Variants in STX8 observed in about 807,000 individuals in gnomAD.
STX8 encodes the protein syntaxin-8.
STX8 carries 23 observed loss-of-function variants against 37.5 expected under a neutral mutation model. The ratio of observed to expected loss-of-function variants is 0.61; its 90% CI spans 0.44 to 0.87. The LOEUF (loss-of-function observed/expected upper bound fraction) is 0.87. Ranked by LOEUF, STX8 falls within the 40% of genes least tolerant of loss-of-function variation. The probability of loss-of-function intolerance (pLI) is 0.00; values close to 1 mark genes in which losing one functional copy is unlikely to be tolerated. For missense variants in STX8, 313 were observed against 284.7 expected (o/e 1.10, Z -0.71); for synonymous variants, 115 against 99.1 (o/e 1.16, Z -0.95).
chr17:9,269,960 A>G (rs1907389942), intron 7 of STX8, among the ~76,000 whole-genome samples: 1 of 152,218 alleles, frequency 6.6e-6, no homozygotes, highest in Non-Finnish European at 1.5e-5. Flanking sequence ...GCTTCTGTAT[A>G]CTAAACACAT....
intron 7 of STX8, among the ~76,000 whole-genome samples, chr17:9,333,332 T>G (rs1022013000): frequency 6.6e-6 from 1 of 152,212 alleles, no homozygotes; most frequent in African/African-American, 2.4e-5. Flanking sequence ...CTCCCACTTA[T>G]AAGTGAGAAC....
chr17:9,536,485 A>G (rs1349286627), intron 4 of STX8, among the ~76,000 whole-genome samples: 1 of 152,202 alleles, frequency 6.6e-6, no homozygotes, highest in Admixed American at 6.5e-5. Flanking sequence ...AGAGCAGCCA[A>G]CTGCTATACT....
At chr17:9,449,172 T>C (rs778486641) in intron 6 of STX8, among the ~76,000 whole-genome samples, 4 of 152,110 alleles carry the variant, frequency 2.6e-5, no homozygotes, top group Non-Finnish European at 4.4e-5. Flanking sequence ...ATAAAAACAA[T>C]TGTTCACACA....
At chr17:9,492,150 G>C (rs562832616) in intron 5 of STX8, among the ~76,000 whole-genome samples, 1 of 152,022 alleles carries the variant, frequency 6.6e-6, no homozygotes, top group Non-Finnish European at 1.5e-5. Context: ...AACAAAGTAA[G>C]ATTTGGAAAC....
At chr17:9,404,070 T>C (rs767912045) in intron 6 of STX8, among the ~76,000 whole-genome samples, 1 of 152,236 alleles carries the variant, frequency 6.6e-6, no homozygotes, top group Non-Finnish European at 1.5e-5. Context: ...ATACATTATA[T>C]TCTTACAATA....
intron 7 of STX8, among the ~76,000 whole-genome samples, chr17:9,279,750 G>A (rs1907811710): frequency 6.6e-6 from 1 of 152,150 alleles, no homozygotes; most frequent in Non-Finnish European, 1.5e-5. Flanking sequence ...TGACAAGCCT[G>A]ACCCCATCTG....
At chr17:9,376,944 T>C (rs1911612205) in intron 7 of STX8, among the ~76,000 whole-genome samples, 1 of 152,132 alleles carries the variant, frequency 6.6e-6, no homozygotes, top group East Asian at 1.9e-4. Context: ...CCAGAAGTTA[T>C]GGGAGAAGAT....
chr17:9,527,378 A>G (rs758655356), intron 4 of STX8, among the ~76,000 whole-genome samples: 3 of 151,914 alleles, frequency 2.0e-5, no homozygotes, highest in Non-Finnish European at 2.9e-5. Context: ...CAGGAGTTGC[A>G]GGCTGCAGTG....
At chr17:9,432,351 C>T (rs1008957387) in intron 6 of STX8, among the ~76,000 whole-genome samples, 1 of 152,180 alleles carries the variant, frequency 6.6e-6, no homozygotes, top group African/African-American at 2.4e-5. Context: ...AATCTTAGCA[C>T]ATTATTGAAA....
intron 6 of STX8, among the ~76,000 whole-genome samples, chr17:9,477,516 C>T (rs867635038): frequency 6.6e-6 from 1 of 152,078 alleles, no homozygotes; most frequent in African/African-American, 2.4e-5. Context: ...CAATCATGAA[C>T]ATTAAAACCT....
At chr17:9,516,568 C>T (rs192920791) in intron 4 of STX8, among the ~76,000 whole-genome samples, 1 of 151,922 alleles carries the variant, frequency 6.6e-6, no homozygotes, top group East Asian at 1.9e-4. Flanking sequence ...CAATTTCACT[C>T]ACTGACCTTC....
intron 7 of STX8, among the ~76,000 whole-genome samples, chr17:9,269,760 C>A (rs375235815): frequency 6.6e-6 from 1 of 152,152 alleles, no homozygotes; most frequent in Non-Finnish European, 1.5e-5. Flanking sequence ...CCTCCCACTC[C>A]GAGCATGCCA....
chr17:9,559,760 A>ATATATATTTTTTTTTTTTTTT, intron 2 of STX8, among the ~76,000 whole-genome samples: 3 of 24,496 alleles, frequency 1.2e-4, no homozygotes, highest in African/African-American at 5.7e-4. Context: ...ATATATATAT[A>ATATATATTTTTTTTTTTTTTT]TTTTTTTTTT....
At position 9,307,410 on chromosome 17, in the gene STX8, C is replaced by G. The variant is rs190720157; in HGVS notation, c.644-56765G>C. Among the ~76,000 whole-genome samples, 392 of 152,274 alleles carry G rather than the reference C, an allele frequency of 2.6e-3. 7 individuals carry two copies. Among genetic ancestry groups the G allele is most frequent in the Admixed American group, 3.9e-4 (6 of 15,288 alleles). The stretch of plus-strand genomic sequence containing the variant: ...GCTCTCCTGACTTCGGTCTTCCTCT[C>G]GGGTCAGCCAAAGGAGGCACTGGCT... On this transcript the variant is annotated intron_variant, in intron 7 of 7. Coordinates refer to ENST00000306357, the MANE Select transcript of STX8 (RefSeq NM_004853.3).
At chr17:9,429,053 A>G (rs973316522) in intron 6 of STX8, among the ~76,000 whole-genome samples, 1 of 152,040 alleles carries the variant, frequency 6.6e-6, no homozygotes, top group African/African-American at 2.4e-5. Context: ...AAACATATTA[A>G]TCCTTAATTA....
intron 6 of STX8, among the ~76,000 whole-genome samples, chr17:9,488,821 A>AGAGTGTGTGTGTGT (rs563653738): frequency 9.0e-5 from 13 of 144,014 alleles, no homozygotes; most frequent in African/African-American, 3.1e-4. Context: ...AGAGAGAGAG[A>AGAGTGTGTGTGTGT]GTGTGTGTGT....
chr17:9,333,668 C>T (rs1039758318), intron 7 of STX8, among the ~76,000 whole-genome samples: 6 of 152,198 alleles, frequency 3.9e-5, no homozygotes, highest in Admixed American at 6.5e-5. Flanking sequence ...GGATTACAGG[C>T]GTGAGCCACG....
chr17:9,395,992 A>G (rs922182679), intron 6 of STX8, among the ~76,000 whole-genome samples: 2 of 152,250 alleles, frequency 1.3e-5, no homozygotes, highest in African/African-American at 2.4e-5. Flanking sequence ...CAATAGCTGC[A>G]ATAAATAAAG....
intron 7 of STX8, among the ~76,000 whole-genome samples, chr17:9,284,013 A>G (rs1329774046): frequency 2.6e-5 from 4 of 152,226 alleles, no homozygotes; most frequent in African/African-American, 9.6e-5. Context: ...CAACACCTGT[A>G]CACAATCTTT....
Sources: allele counts gnomAD v4.1 joint callset (sites outside exome capture counted in the v4.1 genomes callset), GRCh38; gene constraint gnomAD v4.1.1; transcripts MANE v1.5; gene names NCBI Gene and HGNC (gene_info 2026-07-23, HGNC 2026-07-21).